CTBP2: variants seen among roughly 807,000 people sequenced by gnomAD.
The protein encoded by CTBP2 is C-terminal-binding protein 2.
Under a neutral mutation model 80.3 loss-of-function variants are expected in CTBP2, and 30 were observed. That is an observed-to-expected ratio of 0.37 (90% CI 0.28 to 0.51). The LOEUF is 0.51. Ranked by LOEUF, CTBP2 falls within the 20% of genes least tolerant of loss-of-function variation. The probability of loss-of-function intolerance (pLI) is 0.93; values close to 1 mark genes in which losing one functional copy is unlikely to be tolerated. For synonymous variants in CTBP2, 594 were observed against 587.4 expected, an observed-to-expected ratio of 1.01 and a Z score of -0.16; for missense variants, 1,212 against 1,375.3, an observed-to-expected ratio of 0.88 and a Z score of 1.88.
chr10:125,152,081 C>CTG (rs199653621), intron 1 of CTBP2, among the ~76,000 whole-genome samples: 7,865 of 150,554 alleles, frequency 0.052, 237 homozygotes, highest in Middle Eastern at 0.072. Context: ...AAGTGCCCTG[C>CTG]GGGGGGAAGA....
rs1278898432 is a variant in CTBP2, at chr10:124,987,321, C to A, written c.*2197G>T. 6.6e-6 allele frequency: 1 copy of A among 152,148 alleles called. No homozygotes were observed. The highest frequency in any genetic ancestry group is 1.5e-5 in the Non-Finnish European group (1 of 67,990). The allele number at this position is 152,148 out of a possible 1,614,324, so 9.4% of individuals were successfully genotyped here. Reference sequence around the variant, plus strand: ...GGTTCTTTTTCTAGAGCAAACAGAGCGTGGCATTTTGTTTTGACTTGTTCT... The same window carrying A: ...GGTTCTTTTTCTAGAGCAAACAGAGAGTGGCATTTTGTTTTGACTTGTTCT... On this transcript the variant is annotated 3_prime_UTR_variant, in exon 9 of 9. Transcript: ENST00000309035.
chr10:125,124,500 C>T (rs1854892418), intron 1 of CTBP2, among the ~76,000 whole-genome samples: 1 of 152,178 alleles, frequency 6.6e-6, no homozygotes, highest in Admixed American at 6.5e-5. Flanking sequence ...CCACTAGGTA[C>T]ACGTGTATAG....
At chr10:125,103,067 T>C (rs1011154821) in intron 2 of CTBP2, among the ~76,000 whole-genome samples, 2 of 152,162 alleles carry the variant, frequency 1.3e-5, no homozygotes, top group African/African-American at 4.8e-5. Flanking sequence ...TTCACTTCCC[T>C]GCGGTGGAAA....
At chr10:125,094,999 T>C (rs1222383140) in intron 2 of CTBP2, among the ~76,000 whole-genome samples, 2 of 152,042 alleles carry the variant, frequency 1.3e-5, no homozygotes, top group Non-Finnish European at 2.9e-5. Context: ...GAAGCAAGTG[T>C]GGCAGGGCTG....
At chr10:125,032,867 C>T (rs1280915261), upstream of CTBP2, 1 of 154,848 alleles carries the variant, frequency 6.5e-6, no homozygotes, top group African/African-American at 2.4e-5. Context: ...ACATCAAAGC[C>T]CAAACAGCCC....
intron 2 of CTBP2, among the ~76,000 whole-genome samples, chr10:125,049,289 T>C (rs1962136851): frequency 6.6e-6 from 1 of 152,206 alleles, no homozygotes; most frequent in Non-Finnish European, 1.5e-5. Context: ...CAGGACACTC[T>C]TTCTTACCAT....
intron 1 of CTBP2, among the ~76,000 whole-genome samples, chr10:125,023,453 A>G (rs1190717665): frequency 6.6e-6 from 1 of 152,234 alleles, no homozygotes; most frequent in African/African-American, 2.4e-5. Context: ...CTCGGGTGAC[A>G]GCACGTGACA....
upstream of CTBP2, among the ~76,000 whole-genome samples, chr10:125,031,827 G>A (rs570336120): frequency 2.0e-5 from 3 of 152,326 alleles, no homozygotes; most frequent in South Asian, 4.1e-4. Flanking sequence ...CCCACGCAAC[G>A]CGCCAAAGGA....
intron 2 of CTBP2, among the ~76,000 whole-genome samples, chr10:125,041,704 A>G (rs1251269586): frequency 6.6e-6 from 1 of 152,166 alleles, no homozygotes; most frequent in Non-Finnish European, 1.5e-5. Flanking sequence ...ATTTTTGTGA[A>G]GACCTCGGAG....
At chr10:125,151,220 A>C (rs544060810) in intron 1 of CTBP2, among the ~76,000 whole-genome samples, 1 of 152,282 alleles carries the variant, frequency 6.6e-6, no homozygotes, top group Non-Finnish European at 1.5e-5. Context: ...TCCATGGAGA[A>C]GACGAGGGCA....
At chr10:125,147,441 G>GT (rs1358336459) in intron 1 of CTBP2, among the ~76,000 whole-genome samples, 1 of 152,152 alleles carries the variant, frequency 6.6e-6, no homozygotes, top group Non-Finnish European at 1.5e-5. Context: ...CTAATACGTA[G>GT]TAACATCCCA....
intron 2 of CTBP2, among the ~76,000 whole-genome samples, chr10:125,040,454 TAAAAAAA>T (rs747855375): frequency 9.6e-6 from 1 of 104,450 alleles, no homozygotes; most frequent in Non-Finnish European, 1.8e-5. Flanking sequence ...ACTCTGTCTT[TAAAAAAA>T]AAAAAAAAAA....
intron 1 of CTBP2, among the ~76,000 whole-genome samples, chr10:125,152,201 T>C (rs938670799): frequency 5.9e-5 from 9 of 152,010 alleles, no homozygotes; most frequent in African/African-American, 2.2e-4. Context: ...TGGAGGGGGC[T>C]TCACCTGGGG....
intron 1 of CTBP2, among the ~76,000 whole-genome samples, chr10:125,115,302 C>G (rs958157776): frequency 2.0e-5 from 3 of 152,166 alleles, no homozygotes; most frequent in African/African-American, 7.2e-5. Context: ...TCCTCACACT[C>G]CAGGAAGCAC....
At chr10:125,015,497 T>C (rs1189197288) in intron 1 of CTBP2, among the ~76,000 whole-genome samples, 1 of 152,222 alleles carries the variant, frequency 6.6e-6, no homozygotes, top group Non-Finnish European at 1.5e-5. Flanking sequence ...CCTGCCTCGC[T>C]GGGGCCACAG....
At chr10:125,127,238 G>A (rs921552858) in intron 1 of CTBP2, among the ~76,000 whole-genome samples, 12 of 151,796 alleles carry the variant, frequency 7.9e-5, no homozygotes, top group Admixed American at 5.3e-4. Flanking sequence ...CTGCTCACCC[G>A]CAACCACTGA....
intron 2 of CTBP2, among the ~76,000 whole-genome samples, chr10:125,098,657 G>GAGAGAGAGA (rs1849948390): frequency 2.2e-5 from 1 of 44,968 alleles, no homozygotes; most frequent in African/African-American, 9.7e-5. Context: ...TGGGGGAGGG[G>GAGAGAGAGA]GAGAGAGAGA....
At chr10:125,028,366 C>T (rs1193702656), upstream of CTBP2, among the ~76,000 whole-genome samples, 4 of 152,258 alleles carry the variant, frequency 2.6e-5, no homozygotes, top group South Asian at 6.2e-4. Context: ...AATGTCAGTC[C>T]ACTCTTAATC....
chr10:125,141,488 A>G (rs1715874), intron 1 of CTBP2, among the ~76,000 whole-genome samples: 4,921 of 152,170 alleles, frequency 0.032, 266 homozygotes, highest in African/African-American at 0.11. Flanking sequence ...CTTGACCACA[A>G]AAAGGTGGCC....
Sources: allele counts gnomAD v4.1 joint callset (sites outside exome capture counted in the v4.1 genomes callset), GRCh38; gene constraint gnomAD v4.1.1; transcripts MANE v1.5; gene names NCBI Gene and HGNC (gene_info 2026-07-23, HGNC 2026-07-21).